Variants in SLC4A10 observed in about 807,000 individuals in gnomAD.
The protein encoded by SLC4A10 is sodium-driven chloride bicarbonate exchanger.
SLC4A10 carries 42 observed loss-of-function variants against 137.7 expected under a neutral mutation model. The ratio of observed to expected loss-of-function variants is 0.30; its 90% CI spans 0.24 to 0.39. SLC4A10 has a LOEUF of 0.39. Ranked by LOEUF, SLC4A10 falls within the 10% of genes least tolerant of loss-of-function variation. The probability of loss-of-function intolerance (pLI) is 1.00; values close to 1 mark genes in which losing one functional copy is unlikely to be tolerated. For synonymous variants in SLC4A10, 474 were observed against 464.1 expected, an observed-to-expected ratio of 1.02 and a Z score of -0.27; for missense variants, 925 against 1,355.0, an observed-to-expected ratio of 0.68 and a Z score of 4.98.
At chr2:161,785,127 A>G (rs972275159) in intron 2 of SLC4A10, among the ~76,000 whole-genome samples, 11 of 151,792 alleles carry the variant, frequency 7.2e-5, no homozygotes, top group Non-Finnish European at 1.6e-4. Context: ...AAGAAACTCT[A>G]TGACCTTAAA....
intron 3 of SLC4A10, among the ~76,000 whole-genome samples, chr2:161,821,810 A>G (rs2057647196): frequency 6.6e-6 from 1 of 152,216 alleles, no homozygotes; most frequent in African/African-American, 2.4e-5. Context: ...GATGTTAAAA[A>G]TATGTTAGTA....
At chr2:161,971,006 C>G (rs1200928915) in intron 23 of SLC4A10, among the ~76,000 whole-genome samples, 1 of 152,174 alleles carries the variant, frequency 6.6e-6, no homozygotes, top group Admixed American at 6.6e-5. Context: ...GAGTTTCTTC[C>G]CACCTGGAGT....
chr2:161,686,725 GAA>G (rs2041449236), intron 1 of SLC4A10, among the ~76,000 whole-genome samples: 1 of 152,130 alleles, frequency 6.6e-6, no homozygotes, highest in African/African-American at 2.4e-5. Flanking sequence ...TTAGGTTGTA[GAA>G]CAATTTTTAT....
chr2:161,966,924 A>G (rs375210768), intron 23 of SLC4A10, among the ~76,000 whole-genome samples: 4 of 152,158 alleles, frequency 2.6e-5, no homozygotes, highest in African/African-American at 9.7e-5. Flanking sequence ...AGTTATCTAT[A>G]TTTGATGTAA....
At chr2:161,651,312 G>T (rs1394992150) in intron 1 of SLC4A10, 4 of 152,558 alleles carry the variant, frequency 2.6e-5, no homozygotes, top group Non-Finnish European at 5.9e-5. Context: ...CTGGTCTCCT[G>T]AAAGCTGTTC....
intron 3 of SLC4A10, among the ~76,000 whole-genome samples, chr2:161,832,568 C>G (rs939269501): frequency 6.6e-6 from 1 of 152,150 alleles, no homozygotes; most frequent in African/African-American, 2.4e-5. Flanking sequence ...TAGTTGCAAG[C>G]TGAGAACCAG....
chr2:161,804,217 G>A (rs997044339), intron 2 of SLC4A10, among the ~76,000 whole-genome samples: 4 of 152,042 alleles, frequency 2.6e-5, no homozygotes, highest in African/African-American at 7.2e-5. Flanking sequence ...AGTGATGATT[G>A]CAAAATATTT....
At chr2:161,889,319 C>T (rs1166119299) in intron 10 of SLC4A10, among the ~76,000 whole-genome samples, 2 of 152,146 alleles carry the variant, frequency 1.3e-5, no homozygotes, top group African/African-American at 2.4e-5. Context: ...GGAGGAGTCC[C>T]TCTTTTTCTG....
At chr2:161,720,345 T>A (rs1189931567) in intron 1 of SLC4A10, among the ~76,000 whole-genome samples, 2 of 152,234 alleles carry the variant, frequency 1.3e-5, no homozygotes, top group Non-Finnish European at 2.9e-5. Context: ...TCCAGCTTTG[T>A]TCTTTTGGCT....
intron 4 of SLC4A10, among the ~76,000 whole-genome samples, chr2:161,845,739 C>A (rs1416504854): frequency 6.6e-6 from 1 of 151,988 alleles, no homozygotes; most frequent in African/African-American, 2.4e-5. Context: ...GAAAAATAAT[C>A]TTTTTGAAAA....
At chr2:161,982,487 G>A (rs1002491900) in intron 26 of SLC4A10, among the ~76,000 whole-genome samples, 1 of 152,156 alleles carries the variant, frequency 6.6e-6, no homozygotes, top group Non-Finnish European at 1.5e-5. Context: ...GAGAGGGTGA[G>A]ATTAAACAGA....
intron 1 of SLC4A10, among the ~76,000 whole-genome samples, chr2:161,726,807 G>A (rs919822992): frequency 1.3e-5 from 2 of 152,206 alleles, no homozygotes; most frequent in Admixed American, 6.5e-5. Flanking sequence ...TACTTGGGAA[G>A]CTGAGGCAGG....
intron 1 of SLC4A10, among the ~76,000 whole-genome samples, chr2:161,767,470 TTCTA>T (rs985310033): frequency 1.3e-5 from 2 of 151,522 alleles, no homozygotes; most frequent in Non-Finnish European, 2.9e-5. Context: ...CTGAACTCCT[TTCTA>T]AGACAGCAGT....
chr2:161,866,610 A>C (rs1429651539), intron 6 of SLC4A10, among the ~76,000 whole-genome samples: 1 of 151,980 alleles, frequency 6.6e-6, no homozygotes, highest in Non-Finnish European at 1.5e-5. Flanking sequence ...ATAATAGAAA[A>C]ATAATATCTA....
intron 1 of SLC4A10, among the ~76,000 whole-genome samples, chr2:161,637,449 C>T (rs796947655): frequency 2.0e-5 from 3 of 152,206 alleles, no homozygotes; most frequent in African/African-American, 4.8e-5. Flanking sequence ...GATCCGCCCA[C>T]TTTGGCTTCC....
chr2:161,818,642 G>A (rs2125678475), intron 3 of SLC4A10, among the ~76,000 whole-genome samples: 1 of 152,220 alleles, frequency 6.6e-6, no homozygotes, highest in East Asian at 1.9e-4. Flanking sequence ...ATTATTTTGA[G>A]ATACATCCCA....
intron 23 of SLC4A10, among the ~76,000 whole-genome samples, chr2:161,972,516 T>C (rs995613265): frequency 1.3e-5 from 2 of 152,150 alleles, no homozygotes; most frequent in Non-Finnish European, 2.9e-5. Context: ...GTTCTAATAG[T>C]GTGGCCAAGT....
chr2:161,885,193 G>A (rs1018003019), intron 10 of SLC4A10, among the ~76,000 whole-genome samples: 22 of 151,370 alleles, frequency 1.5e-4, no homozygotes, highest in African/African-American at 5.3e-4. Flanking sequence ...TAAATAAATA[G>A]ATAAATAAAT....
intron 2 of SLC4A10, among the ~76,000 whole-genome samples, chr2:161,801,676 T>A (rs192133368): frequency 6.6e-6 from 1 of 152,274 alleles, no homozygotes; most frequent in Admixed American, 6.5e-5. Flanking sequence ...CTGTGCTCTG[T>A]TGATCTGTCT....
Sources: gnomAD v4.1 joint callset for allele counts (sites outside exome capture counted in the v4.1 genomes callset) on GRCh38, gnomAD v4.1.1 for gene constraint, MANE v1.5 for transcripts, NCBI Gene and HGNC (gene_info 2026-07-23, HGNC 2026-07-21) for gene names.